NCKAP5: variants seen among roughly 807,000 people sequenced by gnomAD.
The protein encoded by NCKAP5 is NCK associated protein 5.
Under a neutral mutation model 167.0 loss-of-function variants are expected in NCKAP5, and 92 were observed. That is an observed-to-expected ratio of 0.55 (90% CI 0.47 to 0.66). The LOEUF (loss-of-function observed/expected upper bound fraction) is 0.66. Among genes scored for constraint, NCKAP5 ranks in the 30% least tolerant of loss-of-function variants. The pLI is 0.00. For missense variants in NCKAP5, 2,378 were observed against 2,315.0 expected (o/e 1.03, Z -0.56); for synonymous variants, 891 against 877.4 (o/e 1.02, Z -0.27).
At chr2:133,654,498 G>A in the NCKAP5 span, among the ~76,000 whole-genome samples, 2 of 152,246 alleles carry the variant, frequency 1.3e-5, no homozygotes, top group South Asian at 4.1e-4. Context: ...TGGATCAGGG[G>A]TAACGAGTTT....
intron 4 of NCKAP5, among the ~76,000 whole-genome samples, chr2:133,227,228 A>G (rs114414613): frequency 0.012 from 1,837 of 152,352 alleles, 46 homozygotes; most frequent in African/African-American, 0.041. Flanking sequence ...GAAGATGACT[A>G]TATGAATGAT....
At chr2:133,040,770 A>G (rs574478357) in intron 6 of NCKAP5, among the ~76,000 whole-genome samples, 1 of 152,328 alleles carries the variant, frequency 6.6e-6, no homozygotes, top group South Asian at 2.1e-4. Context: ...AGCAATAAGA[A>G]TGAGTTACTT....
chr2:133,214,747 T>C (rs370965942), intron 4 of NCKAP5, among the ~76,000 whole-genome samples: 2 of 147,314 alleles, frequency 1.4e-5, no homozygotes, highest in Non-Finnish European at 3.0e-5. Flanking sequence ...CTGATATTCT[T>C]CTACTACTAT....
chr2:133,004,863 A>C (rs1371118988), intron 6 of NCKAP5, among the ~76,000 whole-genome samples: 1 of 151,728 alleles, frequency 6.6e-6, no homozygotes, highest in African/African-American at 2.4e-5. Context: ...CATTTTAGAG[A>C]CCTCCCCCTG....
rs552921449 is a variant in NCKAP5 at position 132,758,183 on chromosome 2, G to A, written c.5128+15633C>T. ...CTCTGCAAGAGACTGGTGCTGTGAT[G>A]TTGGGCTTTCCTTTGTGTGGGGGCA... On this transcript the variant is annotated intron_variant, in intron 16 of 19. Coordinates refer to ENST00000409261, the MANE Select transcript of NCKAP5 (RefSeq NM_207363.3). 5.1e-4 allele frequency among the ~76,000 whole-genome samples: 77 copies of A among 152,304 alleles called. 1 individual carries two copies. The highest frequency in any genetic ancestry group is 2.7e-3 in the South Asian group (13 of 4,824).
At chr2:132,964,244 C>T (rs2076597489) in intron 7 of NCKAP5, among the ~76,000 whole-genome samples, 1 of 152,186 alleles carries the variant, frequency 6.6e-6, no homozygotes, top group Non-Finnish European at 1.5e-5. Flanking sequence ...AAAGGCATAG[C>T]TCCTCAAGAT....
chr2:132,853,031 A>G (rs1033879445), intron 11 of NCKAP5, among the ~76,000 whole-genome samples: 2 of 152,186 alleles, frequency 1.3e-5, no homozygotes, highest in Non-Finnish European at 2.9e-5. Context: ...TGAAATAATG[A>G]ATAAAGCAAT....
At chr2:133,588,739 G>A in the NCKAP5 span, among the ~76,000 whole-genome samples, 2 of 152,218 alleles carry the variant, frequency 1.3e-5, no homozygotes, top group African/African-American at 4.8e-5. Flanking sequence ...TAGAGAGGTA[G>A]GGATACAGGT....
chr2:133,384,943 T>G lies in NCKAP5; in HGVS notation c.70-81833A>C, dbSNP rs545966060. On this transcript the variant is annotated intron_variant, in intron 3 of 19. Coordinates refer to ENST00000409261, the MANE Select transcript of NCKAP5 (RefSeq NM_207363.3). ...GTTGCCTATCAGCTTAAGGAGATTT[T>G]GGGCTAAGTCGATGGGGTTTTCCAG... Among the ~76,000 whole-genome samples the G allele has an allele frequency of 2.6e-5, 4 of 152,334 alleles. No homozygotes were observed. In the East Asian group the frequency reaches 5.8e-4, roughly 22 times the overall value.
chr2:133,050,686 A>C (rs976863943), intron 6 of NCKAP5, among the ~76,000 whole-genome samples: 16 of 152,178 alleles, frequency 1.1e-4, no homozygotes, highest in African/African-American at 3.9e-4. Context: ...ATATTTTTCT[A>C]CATTTTTATA....
chr2:133,004,091 T>C (rs753184107), intron 6 of NCKAP5, among the ~76,000 whole-genome samples: 1 of 152,222 alleles, frequency 6.6e-6, no homozygotes, highest in South Asian at 2.1e-4. Flanking sequence ...TATGGATTCA[T>C]GTGTTTGTAG....
chr2:133,225,583 G>C (rs1178933586), intron 4 of NCKAP5, among the ~76,000 whole-genome samples: 1 of 151,998 alleles, frequency 6.6e-6, no homozygotes, highest in East Asian at 1.9e-4. Flanking sequence ...ACACACACGA[G>C]GGTGAGTTCA....
chr2:133,334,627 A>C (rs1331907057), intron 3 of NCKAP5, among the ~76,000 whole-genome samples: 2 of 152,136 alleles, frequency 1.3e-5, no homozygotes, highest in African/African-American at 4.8e-5. Context: ...TATGCATATA[A>C]AAAGAATTTC....
chr2:133,256,004 T>C (rs998684922), intron 4 of NCKAP5, among the ~76,000 whole-genome samples: 3 of 152,132 alleles, frequency 2.0e-5, no homozygotes, highest in Non-Finnish European at 4.4e-5. Context: ...ATTATGTAAA[T>C]AAACATCGTG....
chr2:132,925,034 G>T (rs1217351501), intron 8 of NCKAP5, among the ~76,000 whole-genome samples: 2 of 152,086 alleles, frequency 1.3e-5, no homozygotes, highest in Non-Finnish European at 2.9e-5. Context: ...CTGTGCCTTA[G>T]ACACAGTAGT....
At chr2:133,394,088 C>G (rs1687591487) in intron 3 of NCKAP5, among the ~76,000 whole-genome samples, 1 of 152,188 alleles carries the variant, frequency 6.6e-6, no homozygotes, top group Non-Finnish European at 1.5e-5. Context: ...TACAGAGAAG[C>G]TTCCTGCACA....
chr2:133,599,382 T>C, the NCKAP5 span, among the ~76,000 whole-genome samples: 1 of 152,174 alleles, frequency 6.6e-6, no homozygotes, highest in Non-Finnish European at 1.5e-5. Flanking sequence ...TCAGAGGCTC[T>C]CCTGCCAGGT....
At chr2:132,992,231 A>AATTC (rs1175972335) in intron 7 of NCKAP5, among the ~76,000 whole-genome samples, 1 of 152,218 alleles carries the variant, frequency 6.6e-6, no homozygotes, top group Non-Finnish European at 1.5e-5. Flanking sequence ...TACAGGGAAG[A>AATTC]GTTCATTTCC....
At chr2:133,102,279 C>T (rs901853526) in intron 6 of NCKAP5, among the ~76,000 whole-genome samples, 15 of 151,894 alleles carry the variant, frequency 9.9e-5, no homozygotes, top group African/African-American at 2.2e-4. Flanking sequence ...CCCGAGTAGC[C>T]GGGACTATAG....
Sources: gnomAD v4.1 joint callset for allele counts (sites outside exome capture counted in the v4.1 genomes callset) on GRCh38, gnomAD v4.1.1 for gene constraint, MANE v1.5 for transcripts, NCBI Gene and HGNC (gene_info 2026-07-23, HGNC 2026-07-21) for gene names.